The following CRYBG3 variants were observed in gnomAD, a reference collection of about 807,000 sequenced individuals.
CRYBG3 encodes crystallin beta-gamma domain containing 3, also known as very large A-kinase anchor protein.
CRYBG3 carries 127 observed loss-of-function variants against 244.2 expected under a neutral mutation model. That is an observed-to-expected ratio of 0.52 (90% CI 0.45 to 0.60). CRYBG3 has a LOEUF of 0.60. CRYBG3 is among the 20% of genes least tolerant of loss of function. The probability of loss-of-function intolerance (pLI) is 0.00; values close to 1 mark genes in which losing one functional copy is unlikely to be tolerated. For synonymous variants in CRYBG3, 1,132 were observed against 1,195.8 expected (o/e 0.95, Z 1.10); for missense variants, 3,325 against 3,442.5 (o/e 0.97, Z 0.85).
intron 18 of CRYBG3, among the ~76,000 whole-genome samples, chr3:97,934,915 ACTTT>A (rs1358905804): frequency 2.0e-5 from 3 of 151,958 alleles, no homozygotes; most frequent in African/African-American, 4.8e-5. Flanking sequence ...AAAATTTCTC[ACTTT>A]CTTATTTCAT....
At position 97,822,097 on chromosome 3, in the gene CRYBG3, G is replaced by T. The variant is rs1225495642; in HGVS notation, c.-110G>T. On this transcript the variant is annotated 5_prime_UTR_variant, in exon 1 of 22. Coordinates refer to ENST00000389622, the MANE Select transcript of CRYBG3 (RefSeq NM_153605.4). ...CTGAGCCGCGCTGGCAGCTCGCGTC[G>T]AGTCGGTCTGCCCTAGCCGCATCCC... The T allele has an allele frequency of 1.1e-6, 1 of 914,050 alleles. No homozygotes were observed. The highest frequency in any genetic ancestry group is 1.5e-6 in the Non-Finnish European group (1 of 683,582). 56.6% of individuals were successfully genotyped at this position (914,050 alleles called of 1,614,324 possible).
At chr3:97,919,889 C>T (rs572899289) in intron 17 of CRYBG3, among the ~76,000 whole-genome samples, 31 of 152,116 alleles carry the variant, frequency 2.0e-4, no homozygotes, top group South Asian at 1.0e-3. Context: ...TCTCAGCCTC[C>T]GAAGTAGCTG....
Position 97,856,532 on chromosome 3 carries a change from A to AT in CRYBG3, c.217-7684dup, listed in dbSNP as rs1472431619. Reference sequence around the variant, plus strand: ...TTTAGAGATTGCAGTAAAGACAGGCATAAGAAATTATAAAAGTATTAATTT... The same window carrying AT: ...TTTAGAGATTGCAGTAAAGACAGGCATTAAGAAATTATAAAAGTATTAATTT... On this transcript the variant is annotated intron_variant, in intron 2 of 21. Coordinates refer to ENST00000389622, the MANE Select transcript of CRYBG3 (RefSeq NM_153605.4). Among the ~76,000 whole-genome samples the AT allele has an allele frequency of 2.6e-5, 4 of 152,360 alleles. No homozygotes were observed. In the East Asian group the frequency reaches 5.8e-4, roughly 22 times the overall value.
rs750122577 is a variant in CRYBG3, at chr3:97,822,165, C to T, written c.-42C>T. 41 of 1,467,352 alleles carry T rather than the reference C, an allele frequency of 2.8e-5. No homozygotes were observed. Among genetic ancestry groups the T allele is most frequent in the Non-Finnish European group, 3.2e-5 (36 of 1,112,452 alleles). The allele number at this position is 1,467,352 out of a possible 1,614,324, so 90.9% of individuals were successfully genotyped here. A position where few individuals can be genotyped will look rare whatever the true frequency, so the allele number is the denominator to read the frequency against. On this transcript the variant is annotated 5_prime_UTR_variant, in exon 1 of 22. Transcript: ENST00000389622. ...TCCGGGCACCAGGCAACACCTAGGC[C>T]GTTCCCTTCAGACAGCCCCGGGCCA...
chr3:97,914,937 G>A (rs1559742602), intron 16 of CRYBG3, among the ~76,000 whole-genome samples: 1 of 152,068 alleles, frequency 6.6e-6, no homozygotes, highest in Non-Finnish European at 1.5e-5. Flanking sequence ...TTTTCAAAAG[G>A]CTGTGTTTAG....
chr3:97,918,162 C>T (rs1397951361), intron 17 of CRYBG3, among the ~76,000 whole-genome samples: 1 of 152,120 alleles, frequency 6.6e-6, no homozygotes, highest in African/African-American at 2.4e-5. Flanking sequence ...GGGATGTTGC[C>T]TGCAGTTGGT....
At chr3:97,879,780 G>A (rs373439913) in intron 5 of CRYBG3, 32 bp downstream of exon 5, 1 of 1,503,298 alleles carries the variant, frequency 6.7e-7, no homozygotes, top group Admixed American at 1.8e-5. Flanking sequence ...TAAGATAAAG[G>A]TTAAACATTA....
At chr3:97,905,244 T>C (rs1233339311) in intron 15 of CRYBG3, among the ~76,000 whole-genome samples, 2 of 151,956 alleles carry the variant, frequency 1.3e-5, no homozygotes, top group Non-Finnish European at 2.9e-5. Context: ...TTTATAGTCC[T>C]TTGGGTATAT....
At chr3:97,888,541 C>G (rs2039535692) in intron 9 of CRYBG3, 86 bp downstream of exon 9, 3 of 856,528 alleles carry the variant, frequency 3.5e-6, no homozygotes, top group Non-Finnish European at 5.9e-6. Context: ...TCATGCATCT[C>G]AATCTCAAGT....
chr3:97,878,818 C>T (rs2039413676), intron 4 of CRYBG3, among the ~76,000 whole-genome samples: 1 of 152,174 alleles, frequency 6.6e-6, no homozygotes, highest in South Asian at 2.1e-4. Context: ...AACAAAAGAA[C>T]TGAAAACTTT....
chr3:97,859,568 A>G (rs2039116190), intron 2 of CRYBG3, among the ~76,000 whole-genome samples: 1 of 152,220 alleles, frequency 6.6e-6, no homozygotes. Context: ...ATGAATCAAT[A>G]CTTTAAAGTT....
chr3:97,840,487 T>C (rs2038796542), intron 1 of CRYBG3, among the ~76,000 whole-genome samples: 2 of 152,132 alleles, frequency 1.3e-5, no homozygotes, highest in Admixed American at 6.6e-5. Context: ...CATTGTTTGC[T>C]CAGTACTTAA....
Position 97,909,494 on chromosome 3 carries a change from C to A in CRYBG3, c.8005-2673C>A, listed in dbSNP as rs578137693. ...ACTTCCCTTCTCGCTTCATTTCATT[C>A]ATTTCATCTTCCATCGCTGATACCC... On this transcript the variant is annotated intron_variant, in intron 15 of 21. Transcript: ENST00000389622. 8.7e-3 allele frequency among the ~76,000 whole-genome samples: 1,317 copies of A among 151,046 alleles called. 6 individuals are homozygous for A. The highest frequency in any genetic ancestry group is 0.03 in the African/African-American group (1,223 of 40,650).
intron 1 of CRYBG3, among the ~76,000 whole-genome samples, chr3:97,832,013 T>A (rs1411036017): frequency 6.6e-6 from 1 of 152,072 alleles, no homozygotes; most frequent in Non-Finnish European, 1.5e-5. Flanking sequence ...TTTCCAAACT[T>A]TTTAATTCTT....
chr3:97,908,493 A>G (rs1376370811), intron 15 of CRYBG3, among the ~76,000 whole-genome samples: 2 of 152,072 alleles, frequency 1.3e-5, no homozygotes, highest in African/African-American at 2.4e-5. Context: ...TCCCCTTACC[A>G]TTATGTATTG....
At position 97,876,842 on chromosome 3, in the gene CRYBG3, A is replaced by C. The variant is rs1425634753; in HGVS notation, c.5648A>C (p.Gln1883Pro). 3.0e-5 allele frequency: 41 copies of C among 1,377,694 alleles called. No homozygotes were observed. Among genetic ancestry groups the C allele is most frequent in the Non-Finnish European group, 3.7e-5 (40 of 1,068,066 alleles). The allele number at this position is 1,377,694 out of a possible 1,614,324, so 85.3% of individuals were successfully genotyped here. ...HGTGLELTTKQGEAMLPAFES... is the reference protein window; with the variant it reads ...HGTGLELTTKPGEAMLPAFES... Reference sequence around the variant, plus strand: ...ACAGGACTAGAATTGACCACTAAACAAGGGGAGGCCATGCTTCCTGCATTT... The same window carrying C: ...ACAGGACTAGAATTGACCACTAAACCAGGGGAGGCCATGCTTCCTGCATTT... Residue 1883 changes from glutamine (Q) to proline (P), a missense_variant, in exon 4 of 22, where the codon CAA becomes CCA. Around this residue, in one of 4 missense-constraint regions of CRYBG3, gnomAD observed 635 missense variants for 771.7 expected, o/e 0.82. Coordinates refer to ENST00000389622, the MANE Select transcript of CRYBG3 (RefSeq NM_153605.4).
At chr3:97,832,314 A>G (rs1576507647) in intron 1 of CRYBG3, among the ~76,000 whole-genome samples, 1 of 152,190 alleles carries the variant, frequency 6.6e-6, no homozygotes, top group East Asian at 1.9e-4. Flanking sequence ...CCTGACTTCA[A>G]ACCATATTAG....
At position 97,876,432 on chromosome 3, in the gene CRYBG3, T is replaced by C. The variant is rs1487254597; in HGVS notation, c.5238T>C (p.Thr1746=). 1.6e-6 allele frequency: 2 copies of C among 1,231,966 alleles called. No homozygotes were observed. The highest frequency in any genetic ancestry group is 6.3e-5 in the East Asian group (2 of 31,716). 76.3% of individuals were successfully genotyped at this position (1,231,966 alleles called of 1,614,324 possible). Residue 1746 remains threonine (T), a synonymous_variant, in exon 4 of 22, where the codon ACT becomes ACC. Coordinates refer to ENST00000389622, the MANE Select transcript of CRYBG3 (RefSeq NM_153605.4). The stretch of plus-strand genomic sequence containing the variant: ...TGGAAAATACTTACCCAAAGGATAC[T>C]GAAAGAGACGGTGGCAAAACTGAGG... The part of the protein sequence containing the change: ...LEMENTYPKD[T]ERDGGKTEVM...
At chr3:97,886,952 G>T (rs1382127343) in intron 8 of CRYBG3, among the ~76,000 whole-genome samples, 185 bp downstream of exon 8, 2 of 152,158 alleles carry the variant, frequency 1.3e-5, no homozygotes, top group African/African-American at 4.8e-5. Flanking sequence ...ACAGGAGCAG[G>T]TATAGAATTC....
Sources: allele counts gnomAD v4.1 joint callset (sites outside exome capture counted in the v4.1 genomes callset), GRCh38; gene constraint gnomAD v4.1.1; regional missense constraint gnomAD v4.1.1; transcripts MANE v1.5; gene names NCBI Gene and HGNC (gene_info 2026-07-23, HGNC 2026-07-21).